The following CR1 variants were observed in gnomAD, a reference collection of about 807,000 sequenced individuals.
CR1 encodes complement receptor type 1.
In CR1, 116 loss-of-function variants were observed where a neutral mutation model predicts 187.3. The observed-to-expected ratio is 0.62, with a 90% confidence interval of 0.53 to 0.72. The LOEUF is 0.72. Among genes scored for constraint, CR1 ranks in the 30% least tolerant of loss-of-function variants. CR1 has a pLI of 0.00. For synonymous variants in CR1, 576 were observed against 747.1 expected, an observed-to-expected ratio of 0.77 and a Z score of 3.73; for missense variants, 1,731 against 2,110.7, an observed-to-expected ratio of 0.82 and a Z score of 3.52.
At chr1:207,513,720 C>A (rs1659692259) in intron 4 of CR1, among the ~76,000 whole-genome samples, 1 of 144,744 alleles carries the variant, frequency 6.9e-6, no homozygotes, top group African/African-American at 2.6e-5. Flanking sequence ...CTTTCCTTCC[C>A]TCCCTCCCTC....
intron 1 of CR1, among the ~76,000 whole-genome samples, chr1:207,497,348 C>T (rs1206503974): frequency 6.6e-6 from 1 of 152,046 alleles, no homozygotes; most frequent in Non-Finnish European, 1.5e-5. Context: ...TTTTCGGCTC[C>T]CCAGAAGTCT....
At chr1:207,592,811 C>A (rs596319) in intron 35 of CR1, among the ~76,000 whole-genome samples, 57,364 of 151,898 alleles carry the variant, frequency 0.38, 15,645 homozygotes, top group African/African-American at 0.77. Flanking sequence ...AGACAAACAG[C>A]GAGCCAAATC....
chr1:207,566,975 GA>G (rs1478466323), intron 24 of CR1, among the ~76,000 whole-genome samples: 2 of 150,300 alleles, frequency 1.3e-5, no homozygotes, highest in Admixed American at 1.3e-4. Context: ...AGTGCTCCTT[GA>G]AGCAGTATGA....
rs774059529 is a variant in CR1 at position 207,612,029 on chromosome 1, T to C, written c.6563T>C (p.Val2188Ala). 8.7e-6 allele frequency: 14 copies of C among 1,613,974 alleles called. No homozygotes were observed. Among genetic ancestry groups the C allele is most frequent in the Admixed American group, 1.7e-5 (1 of 60,024 alleles). Reference sequence around the variant, plus strand: ...CAGCTTGGGGCAAAGGTGTCCTTTGTTTGCGATGAAGGGTGAGTGTGACCC... The same window carrying C: ...CAGCTTGGGGCAAAGGTGTCCTTTGCTTGCGATGAAGGGTGAGTGTGACCC... ...NLQLGAKVSF[V>A]CDEGFRLKGR... Residue 2188 changes from valine (V) to alanine (A), a missense_variant, in exon 39 of 47, where the codon GTT (valine) becomes GCT (alanine). Val to Ala is a moderately conservative substitution (Grantham distance 64, BLOSUM62 0). Around this residue, in one of 5 missense-constraint regions of CR1, gnomAD observed 1,312 missense variants for 1,379.6 expected, o/e 0.95. Coordinates refer to ENST00000367049, the MANE Select transcript of CR1 (RefSeq NM_000651.6).
chr1:207,633,821 G>C (rs983034180), intron 46 of CR1, among the ~76,000 whole-genome samples: 2 of 152,244 alleles, frequency 1.3e-5, no homozygotes, highest in Admixed American at 1.3e-4. Context: ...ATTTCACCTG[G>C]GTGCAGGCGG....
At chr1:207,509,075 A>G (rs753617852) in intron 3 of CR1, among the ~76,000 whole-genome samples, 10 of 152,192 alleles carry the variant, frequency 6.6e-5, no homozygotes, top group African/African-American at 9.7e-5. Flanking sequence ...GCTAACCTAA[A>G]TAATTCACAG....
chr1:207,575,494 C>T, intron 27 of CR1, 101 bp from the exon 28 acceptor site: 1 of 1,467,210 alleles, frequency 6.8e-7, no homozygotes, highest in Non-Finnish European at 9.5e-7. Context: ...AGGCCTTAGA[C>T]TTCTCCTGCA....
intron 36 of CR1, among the ~76,000 whole-genome samples, chr1:207,608,500 G>A (rs1661815069): frequency 6.6e-6 from 1 of 151,932 alleles, no homozygotes; most frequent in South Asian, 2.1e-4. Context: ...TGTGTTCATT[G>A]TAGTCACTAA....
At chr1:207,573,730 CAT>C (rs1320868960) in intron 27 of CR1, among the ~76,000 whole-genome samples, 1 of 152,104 alleles carries the variant, frequency 6.6e-6, no homozygotes, top group Non-Finnish European at 1.5e-5. Context: ...TCATTTCATA[CAT>C]GTGATCTATA....
At chr1:207,504,707 T>C (rs1659375990) in intron 1 of CR1, among the ~76,000 whole-genome samples, 1 of 152,240 alleles carries the variant, frequency 6.6e-6, no homozygotes, top group Admixed American at 6.5e-5. Flanking sequence ...TGAAAGATGA[T>C]ATAAATAGCT....
At chr1:207,566,398 G>A (rs1455402398) in intron 24 of CR1, among the ~76,000 whole-genome samples, 1 of 149,706 alleles carries the variant, frequency 6.7e-6, no homozygotes, top group Admixed American at 6.6e-5. Flanking sequence ...TATTGAACAT[G>A]GCTTTATTTA....
Position 207,616,788 on chromosome 1 carries a change from T to C in CR1, c.6875T>C (p.Leu2292Pro). The change falls in exon 41 of 47, where the codon CTT (leucine) becomes CCT (proline). Residue 2292 changes from leucine to proline, a missense_variant. This residue lies in a region of CR1 where 1,312 missense variants were observed against 1,379.6 expected (regional missense o/e 0.95). Transcript: ENST00000367049. ...VWSSPAPRCE[L>P]SVPAACPHPP... ...AGCAGCCCTGCCCCTCGCTGTGAAC[T>C]TTCTGTTCCTGCTGGTTAGTACCTG... is the stretch of plus-strand genomic sequence containing the variant. 4 of 1,614,000 alleles carry C rather than the reference T, an allele frequency of 2.5e-6. No individual in the cohort carries two copies. The highest frequency in any genetic ancestry group is 3.4e-6 in the Non-Finnish European group (4 of 1,179,876).
chr1:207,581,285 T>TGTAGACGTATACATATGGACACGTATAC (rs1553294840), intron 31 of CR1, among the ~76,000 whole-genome samples: 3,147 of 138,766 alleles, frequency 0.023, 240 homozygotes, highest in African/African-American at 0.083. Flanking sequence ...GACACGTATA[T>TGTAGACGTATACATATGGACACGTATAC]GTATACGTAT....
intron 4 of CR1, among the ~76,000 whole-genome samples, chr1:207,521,654 A>G (rs2102304040): frequency 1.1e-5 from 1 of 90,886 alleles, no homozygotes; most frequent in East Asian, 2.8e-4. Flanking sequence ...TTTTTTTGAG[A>G]CAGGGTCTCA....
At chr1:207,620,432 G>A (rs992365218) in intron 43 of CR1, among the ~76,000 whole-genome samples, 1 of 152,218 alleles carries the variant, frequency 6.6e-6, no homozygotes, top group Non-Finnish European at 1.5e-5. Flanking sequence ...GAGGGGACAG[G>A]ATTTTAAGCT....
intron 28 of CR1, among the ~76,000 whole-genome samples, chr1:207,577,114 G>C (rs575929095): frequency 6.6e-6 from 1 of 152,164 alleles, no homozygotes; most frequent in African/African-American, 2.4e-5. Flanking sequence ...AGCCGAGTTT[G>C]GTGGCGCATG....
intron 27 of CR1, among the ~76,000 whole-genome samples, chr1:207,574,266 GA>G (rs1434772023): frequency 1.3e-5 from 2 of 152,034 alleles, no homozygotes; most frequent in African/African-American, 2.4e-5. Context: ...CAGGGATAGA[GA>G]AAAAAACTCT....
At chr1:207,581,336 G>GTATATGTATACGTATACATGTC (rs1660944350) in intron 31 of CR1, among the ~76,000 whole-genome samples, 3 of 137,860 alleles carry the variant, frequency 2.2e-5, no homozygotes, top group African/African-American at 3.4e-5. Context: ...ATGTACATGT[G>GTATATGTATACGTATACATGTC]TATATGTATA....
chr1:207,519,721 A>AT (rs1467731820), intron 4 of CR1, among the ~76,000 whole-genome samples: 2 of 152,254 alleles, frequency 1.3e-5, no homozygotes, highest in Non-Finnish European at 2.9e-5. Flanking sequence ...AGCCAAAGTA[A>AT]GCGCAGAGAC....
Sources: allele counts gnomAD v4.1 joint callset (sites outside exome capture counted in the v4.1 genomes callset), GRCh38; gene constraint gnomAD v4.1.1; regional missense constraint gnomAD v4.1.1; transcripts MANE v1.5; gene names NCBI Gene and HGNC (gene_info 2026-07-23, HGNC 2026-07-21).